RET: variants seen among roughly 807,000 people sequenced by gnomAD.
The protein encoded by RET is proto-oncogene tyrosine-protein kinase receptor Ret.
A neutral mutation model predicts 118.3 loss-of-function variants in RET; 19 were observed. That is an observed-to-expected ratio of 0.16 (90% CI 0.11 to 0.24). The LOEUF (loss-of-function observed/expected upper bound fraction) is 0.24. Ranked by LOEUF, RET falls within the 10% of genes least tolerant of loss-of-function variation. RET has a pLI of 1.00. For missense variants in RET, 1,219 were observed against 1,502.1 expected (o/e 0.81, Z 3.12); for synonymous variants, 597 against 644.1 (o/e 0.93, Z 1.11).
rs1455526573 is a variant in RET at position 43,126,637 on chromosome 10, A to G, written c.3102A>G (p.Ser1034=). 9.9e-6 allele frequency: 16 copies of G among 1,613,980 alleles called. No individual in the cohort carries two copies. Among genetic ancestry groups the G allele is most frequent in the Non-Finnish European group, 1.3e-5 (15 of 1,180,026 alleles). Residue 1034 remains serine, a synonymous_variant, in exon 19 of 20, where the codon TCA becomes TCG. Coordinates refer to ENST00000355710, the MANE Select transcript of RET (RefSeq NM_020975.6). Reference sequence around the variant, plus strand: ...CCCTGATTTATGACGACGGCCTCTCAGAGGAGGAGACACCGCTGGTGGACT... The same window carrying G: ...CCCTGATTTATGACGACGGCCTCTCGGAGGAGGAGACACCGCTGGTGGACT... The part of the protein sequence containing the change: ...SDSLIYDDGL[S]EEETPLVDCN...
intron 1 of RET, among the ~76,000 whole-genome samples, chr10:43,096,867 C>T (rs1296501611): frequency 1.3e-5 from 2 of 152,214 alleles, no homozygotes; most frequent in Non-Finnish European, 2.9e-5. Context: ...TGAGGCAGGT[C>T]CTGCACCCAC....
At chr10:43,103,433 C>G (rs1837686213) in intron 3 of RET, among the ~76,000 whole-genome samples, 1 of 152,116 alleles carries the variant, frequency 6.6e-6, no homozygotes, top group Non-Finnish European at 1.5e-5. Context: ...AAGCAGGCAG[C>G]TGCAGCCAGT....
In RET at chr10:43,106,348, A is replaced by C. The variant is rs755711831; in HGVS notation, c.868-28A>C. 3.7e-6 allele frequency: 6 copies of C among 1,603,588 alleles called. No homozygotes were observed. The South Asian group carries it at 6.6e-5, about 18-fold the overall frequency. On this transcript the variant is annotated intron_variant, in intron 4 of 19. Coordinates refer to ENST00000355710, the MANE Select transcript of RET (RefSeq NM_020975.6). The surrounding 1 kb of genome is among the most constrained non-coding windows in gnomAD (Gnocchi z 5.1). ...GGTCTGAGGGGCCCATCTCGCCTGC[A>C]CTGACCAACGCCCTCTGCATCCTGC... is the stretch of plus-strand genomic sequence containing the variant.
chr10:43,118,422 C>T lies in RET; in HGVS notation c.2334C>T (p.Val778=), dbSNP rs1191447337. The T allele has an allele frequency of 6.2e-7, 1 of 1,614,164 alleles. No homozygotes were observed. The highest frequency in any genetic ancestry group is 8.5e-7 in the Non-Finnish European group (1 of 1,180,032). Residue 778 remains valine, a synonymous_variant, in exon 13 of 20, where the codon GTC becomes GTT. Transcript: ENST00000355710. ...GAGACCTGCTGTCAGAGTTCAACGT[C>T]CTGAAGCAGGTCAACCACCCACATG... ...ELRDLLSEFN[V]LKQVNHPHVI... is the part of the protein sequence containing the mutation.
chr10:43,078,528 A>C (rs1041876164), intron 1 of RET, among the ~76,000 whole-genome samples: 3 of 152,188 alleles, frequency 2.0e-5, no homozygotes, highest in Non-Finnish European at 2.9e-5. Context: ...TTGCCTTTCT[A>C]TCTTTTCTGA....
rs535306511 is a variant in RET, at chr10:43,123,911, G to T, written c.2939+103G>T. The T allele has an allele frequency of 4.7e-5, 74 of 1,560,600 alleles. No homozygotes were observed. In the East Asian group the frequency reaches 1.6e-3, roughly 33 times the overall value. ...GCAGCCCCAGGAGAAACCAGGAGAA[G>T]TGGGGGGTGGGGAGTGGGCAGGGCA... On this transcript the variant is annotated intron_variant, in intron 17 of 19. Coordinates refer to ENST00000355710, the MANE Select transcript of RET (RefSeq NM_020975.6).
chr10:43,105,372 C>T (rs1187688914), intron 4 of RET, among the ~76,000 whole-genome samples, 179 bp downstream of exon 4: 1 of 152,068 alleles, frequency 6.6e-6, no homozygotes, highest in Non-Finnish European at 1.5e-5. Flanking sequence ...GGAGTCCTGC[C>T]AGCACCCAGC....
rs773241624 is a variant in RET, at chr10:43,120,062, G to C, written c.2608-19G>C. On this transcript the variant is annotated intron_variant, in intron 14 of 19. Coordinates refer to ENST00000355710, the MANE Select transcript of RET (RefSeq NM_020975.6). ...CTGCCTGGCCATGGCCTGACGACTC[G>C]TGCTATTTTTCCTCACAGCTCGTTC... is the stretch of plus-strand genomic sequence containing the variant. 22 of 1,612,990 alleles carry C rather than the reference G, an allele frequency of 1.4e-5. No individual in the cohort carries two copies. Among genetic ancestry groups the C allele is most frequent in the Non-Finnish European group, 1.6e-5 (19 of 1,179,762 alleles).
In RET at chr10:43,077,223, C is replaced by A; in HGVS notation, c.-36C>A. The A allele has an allele frequency of 6.8e-7, 1 of 1,475,970 alleles. No individual in the cohort carries two copies. Among genetic ancestry groups the A allele is most frequent in the Non-Finnish European group, 9.0e-7 (1 of 1,116,774 alleles). 91.4% of individuals were successfully genotyped at this position (1,475,970 alleles called of 1,614,324 possible). A position where few individuals can be genotyped will look rare whatever the true frequency, so the allele number is the denominator to read the frequency against. ...CATCCAGACCCGCCGGCCCTAGCCG[C>A]AGTCCCTCCAGCCGTGGCCCCAGCG... On this transcript the variant is annotated 5_prime_UTR_variant, in exon 1 of 20. Coordinates refer to ENST00000355710, the MANE Select transcript of RET (RefSeq NM_020975.6).
At chr10:43,118,135 C>T (rs1838115338) in intron 12 of RET, among the ~76,000 whole-genome samples, 1 of 152,200 alleles carries the variant, frequency 6.6e-6, no homozygotes, top group Non-Finnish European at 1.5e-5. Flanking sequence ...CCCTGGGACA[C>T]TCTGGGGAAA....
chr10:43,108,963 A>G (rs764836353), intron 5 of RET, 68 bp from the exon 6 acceptor site: 1 of 1,449,528 alleles, frequency 6.9e-7, no homozygotes, highest in Non-Finnish European at 9.6e-7. Flanking sequence ...GTGTCTGGGA[A>G]GAGGTGTGCT....
At chr10:43,092,185 A>T (rs929689876) in intron 1 of RET, among the ~76,000 whole-genome samples, 1 of 152,264 alleles carries the variant, frequency 6.6e-6, no homozygotes, top group African/African-American at 2.4e-5. Context: ...GCCACATCCT[A>T]TGCCATGGTT....
chr10:43,111,879 C>T (rs1431135202), intron 7 of RET, among the ~76,000 whole-genome samples: 2 of 152,232 alleles, frequency 1.3e-5, no homozygotes, highest in African/African-American at 2.4e-5. Flanking sequence ...CCTGTACTTA[C>T]CCCAGCCCAG....
intron 1 of RET, among the ~76,000 whole-genome samples, chr10:43,099,771 A>G (rs1036805795): frequency 6.6e-6 from 1 of 152,116 alleles, no homozygotes; most frequent in Non-Finnish European, 1.5e-5. Context: ...GAATCATGCC[A>G]TGTGCGCTCT....
In RET at chr10:43,101,978, G is replaced by A. The variant is rs975528355; in HGVS notation, c.338-364G>A. Among the ~76,000 whole-genome samples, 16 of 151,528 alleles carry A rather than the reference G, an allele frequency of 1.1e-4. No homozygotes were observed. In the Admixed American group the frequency reaches 1.1e-3, roughly 10 times the overall value. On this transcript the variant is annotated intron_variant, in intron 2 of 19. Transcript: ENST00000355710. ...CTAGGCATTGGGGAAGTATGTCTGC[G>A]GCCACTCCAAACCTCCTGAGGAGGG...
chr10:43,107,155 A>G (rs1443820013), intron 5 of RET, among the ~76,000 whole-genome samples: 2 of 151,750 alleles, frequency 1.3e-5, no homozygotes, highest in East Asian at 3.9e-4. Flanking sequence ...TTCCAAATAA[A>G]CCACCTGCAT....
intron 1 of RET, among the ~76,000 whole-genome samples, chr10:43,091,586 G>A (rs970031315): frequency 1.3e-5 from 2 of 150,084 alleles, no homozygotes; most frequent in Admixed American, 6.6e-5. Flanking sequence ...AGCCGAGATC[G>A]TGCCACTGCA....
chr10:43,110,412 T>A (rs1864402), intron 6 of RET, among the ~76,000 whole-genome samples: 10 of 152,076 alleles, frequency 6.6e-5, no homozygotes, highest in East Asian at 3.9e-4. Flanking sequence ...CTGTGGTCAC[T>A]TGTGGGCCTG....
intron 19 of RET, chr10:43,127,038 T>A (rs1306168176): frequency 1.3e-5 from 17 of 1,286,278 alleles, no homozygotes; most frequent in South Asian, 1.8e-5. Context: ...GCTTCTGGGG[T>A]GGGAATCAAG....
Sources: allele counts gnomAD v4.1 joint callset (sites outside exome capture counted in the v4.1 genomes callset), GRCh38; gene constraint gnomAD v4.1.1; non-coding constraint Gnocchi (gnomAD v3.1); transcripts MANE v1.5; gene names NCBI Gene and HGNC (gene_info 2026-07-23, HGNC 2026-07-21).